Variants in HLF observed in about 807,000 individuals in gnomAD.
The protein encoded by HLF is hepatic leukemia factor.
A neutral mutation model predicts 22.6 loss-of-function variants in HLF; 3 were observed. The ratio of observed to expected loss-of-function variants is 0.13; its 90% CI spans 0.06 to 0.34. The LOEUF (loss-of-function observed/expected upper bound fraction) is 0.34, where lower values mean the gene tolerates loss of function less well. Ranked by LOEUF, HLF falls within the 10% of genes least tolerant of loss-of-function variation. HLF has a pLI of 1.00. For missense variants in HLF, 299 were observed against 389.2 expected, an observed-to-expected ratio of 0.77 and a Z score of 1.95; for synonymous variants, 151 against 151.8, an observed-to-expected ratio of 0.99 and a Z score of 0.04.
intron 2 of HLF, among the ~76,000 whole-genome samples, chr17:55,311,753 TTTGA>T (rs1229218495): frequency 1.3e-5 from 2 of 152,154 alleles, no homozygotes; most frequent in East Asian, 3.9e-4. Context: ...AGATTTGGCC[TTTGA>T]TTGAACCCTT....
rs964766594 is a variant in HLF, at chr17:55,321,239, C to T, written c.*360C>T. ...TGCCTCCTCAGCTTTGCTTCATGTT[C>T]GAGCTTACCTACTCTTCCAGGACTC... On this transcript the variant is annotated 3_prime_UTR_variant, in exon 4 of 4. Transcript: ENST00000226067. The T allele has an allele frequency of 2.9e-5, 8 of 280,112 alleles. No homozygotes were observed. The highest frequency in any genetic ancestry group is 5.3e-5 in the East Asian group (1 of 19,034). The allele number at this position is 280,112 out of a possible 1,614,324, so 17.4% of individuals were successfully genotyped here.
chr17:55,309,047 A>G (rs1385462300), intron 2 of HLF, among the ~76,000 whole-genome samples: 2 of 152,224 alleles, frequency 1.3e-5, no homozygotes, highest in African/African-American at 4.8e-5. Flanking sequence ...CATTTCTGCC[A>G]CATTCTGTTG....
At chr17:55,281,727 G>A (rs941577176) in intron 2 of HLF, among the ~76,000 whole-genome samples, 1 of 152,210 alleles carries the variant, frequency 6.6e-6, no homozygotes, top group African/African-American at 2.4e-5. Flanking sequence ...CTGGAATTTA[G>A]TCTGTTCCCA....
At position 55,311,410 on chromosome 17, in the gene HLF, A is replaced by G. The variant is rs1221449816; in HGVS notation, c.452-3817A>G. Among the ~76,000 whole-genome samples the G allele has an allele frequency of 3.9e-5, 6 of 152,274 alleles. No homozygotes were observed. In the East Asian group the frequency reaches 9.6e-4, roughly 24 times the overall value. On this transcript the variant is annotated intron_variant, in intron 2 of 3. Transcript: ENST00000226067. ...ACCCAGCTACTCGGGAGGCTGAGGC[A>G]GGAGAATGGCTTGAATCCAGGGGGT...
rs372233429 is a variant in HLF at position 55,272,165 on chromosome 17, C to T, written c.451+4079C>T. The stretch of plus-strand genomic sequence containing the variant: ...ATGACAGGAGTCATTCTGATGACTT[C>T]AATGTTTGCATTTTAGATACTGTCA... On this transcript the variant is annotated intron_variant, in intron 2 of 3. Transcript: ENST00000226067. 1.8e-3 allele frequency: 274 copies of T among 152,360 alleles called. 2 individuals are homozygous for T. The Middle Eastern group carries it at 0.037, about 21-fold the overall frequency. 9.4% of individuals were successfully genotyped at this position (152,360 alleles called of 1,614,324 possible). A position where few individuals can be genotyped will look rare whatever the true frequency, so the allele number is the denominator to read the frequency against.
At chr17:55,301,482 A>G (rs2081157004) in intron 2 of HLF, among the ~76,000 whole-genome samples, 1 of 152,364 alleles carries the variant, frequency 6.6e-6, no homozygotes, top group Non-Finnish European at 1.5e-5. Flanking sequence ...AATTATCAGT[A>G]TAGACATTGT....
Position 55,320,063 on chromosome 17 carries a change from TG to T in HLF, c.673-599del. Among the ~76,000 whole-genome samples, 1 of 152,156 alleles carries T rather than the reference TG, an allele frequency of 6.6e-6. No individual in the cohort carries two copies. Among genetic ancestry groups the T allele is most frequent in the East Asian group, 1.9e-4 (1 of 5,202 alleles). On this transcript the variant is annotated intron_variant, in intron 3 of 3. Coordinates refer to ENST00000226067, the MANE Select transcript of HLF (RefSeq NM_002126.5). The surrounding 1 kb of genome is among the most constrained non-coding windows in gnomAD (Gnocchi z 4.2). ...CCCTTTGTATGACTGTATCATAACG[TG>T]GTTGTTAAATCTCCTATGCATAGTT...
intron 1 of HLF, chr17:55,265,949 A>T: frequency 1.3e-6 from 1 of 771,356 alleles, no homozygotes; most frequent in Non-Finnish European, 1.6e-6. Flanking sequence ...TGCGGAGGGC[A>T]GAGCCTCCCG....
chr17:55,287,741 A>G (rs1401325879), intron 2 of HLF, among the ~76,000 whole-genome samples: 3 of 152,220 alleles, frequency 2.0e-5, no homozygotes, highest in East Asian at 1.9e-4. Flanking sequence ...GTTGAAGTCC[A>G]TCTTCCAAAC....
At chr17:55,297,237 T>C (rs937316237) in intron 2 of HLF, among the ~76,000 whole-genome samples, 1 of 152,244 alleles carries the variant, frequency 6.6e-6, no homozygotes, top group African/African-American at 2.4e-5. Context: ...TTTGATACTT[T>C]TCTTGTTATT....
intron 2 of HLF, among the ~76,000 whole-genome samples, chr17:55,276,735 C>T (rs1340246851): frequency 6.6e-6 from 1 of 152,170 alleles, no homozygotes; most frequent in African/African-American, 2.4e-5. Context: ...TCATGAGTAC[C>T]AGGCTGCAGA....
At chr17:55,310,724 C>A (rs533782992) in intron 2 of HLF, among the ~76,000 whole-genome samples, 174 of 152,192 alleles carry the variant, frequency 1.1e-3, no homozygotes, top group Admixed American at 3.3e-3. Context: ...GATTGTTCAC[C>A]TAAAAACTAA....
intron 2 of HLF, among the ~76,000 whole-genome samples, chr17:55,295,049 T>G (rs565562708): frequency 7.9e-5 from 12 of 152,346 alleles, no homozygotes; most frequent in African/African-American, 2.6e-4. Context: ...AATTCAGAGA[T>G]AAGGAAGATG....
At chr17:55,281,111 G>C (rs2080951143) in intron 2 of HLF, among the ~76,000 whole-genome samples, 1 of 152,164 alleles carries the variant, frequency 6.6e-6, no homozygotes, top group Non-Finnish European at 1.5e-5. Context: ...GCAGTCTTGA[G>C]GGATTACAAA....
chr17:55,314,587 C>G (rs1904988862), intron 2 of HLF, among the ~76,000 whole-genome samples: 1 of 152,224 alleles, frequency 6.6e-6, no homozygotes, highest in Admixed American at 6.5e-5. Flanking sequence ...TCTCCCCACT[C>G]TGTTTTCTTC....
At chr17:55,313,567 G>A (rs1393892080) in intron 2 of HLF, among the ~76,000 whole-genome samples, 3 of 152,142 alleles carry the variant, frequency 2.0e-5, no homozygotes, top group Non-Finnish European at 4.4e-5. Flanking sequence ...GGACATTGTA[G>A]TGATGGGGCA....
chr17:55,289,554 G>A (rs1234702763), intron 2 of HLF, among the ~76,000 whole-genome samples: 1 of 152,170 alleles, frequency 6.6e-6, no homozygotes, highest in Non-Finnish European at 1.5e-5. Context: ...AGAGTTCTCT[G>A]CATAAAATAG....
intron 2 of HLF, among the ~76,000 whole-genome samples, chr17:55,294,074 C>T (rs1215393248): frequency 6.6e-6 from 1 of 152,106 alleles, no homozygotes; most frequent in Non-Finnish European, 1.5e-5. Context: ...AAGAGAAGCA[C>T]CATGAAGTGA....
Position 55,324,810 on chromosome 17 carries a change from C to CGT in HLF, c.*3933_*3934dup, listed in dbSNP as rs1905401297. ...GTAAGAGTGTGTGTGTGTGTGTGTG[C>CGT]GTGCATGTGTGTGTGTGTGTATGTG... On this transcript the variant is annotated 3_prime_UTR_variant, in exon 4 of 4. Coordinates refer to ENST00000226067, the MANE Select transcript of HLF (RefSeq NM_002126.5). The CGT allele has an allele frequency of 1.5e-5, 3 of 206,382 alleles. No homozygotes were observed. In the Admixed American group the frequency reaches 1.9e-4, roughly 13 times the overall value. The allele number at this position is 206,382 out of a possible 1,614,324, so 12.8% of individuals were successfully genotyped here. A position where few individuals can be genotyped will look rare whatever the true frequency, so the allele number is the denominator to read the frequency against.
Sources: gnomAD v4.1 joint callset for allele counts (sites outside exome capture counted in the v4.1 genomes callset) on GRCh38, gnomAD v4.1.1 for gene constraint, Gnocchi (gnomAD v3.1) non-coding constraint, MANE v1.5 for transcripts, NCBI Gene and HGNC (gene_info 2026-07-23, HGNC 2026-07-21) for gene names.